The following NRXN3 variants were observed in gnomAD, a reference collection of about 807,000 sequenced individuals.
NRXN3 encodes the protein neurexin III.
In NRXN3, 32 loss-of-function variants were observed where a neutral mutation model predicts 137.6. The ratio of observed to expected loss-of-function variants is 0.23; its 90% CI spans 0.18 to 0.31. The LOEUF is 0.31. NRXN3 is among the 10% of genes least tolerant of loss of function. NRXN3 has a pLI of 1.00. For synonymous variants in NRXN3, 798 were observed against 784.5 expected (o/e 1.02, Z -0.29); for missense variants, 1,574 against 2,062.5 (o/e 0.76, Z 4.59).
Position 79,643,383 on chromosome 14 carries a change from A to C in NRXN3, c.3445-20395A>C, listed in dbSNP as rs750158528. Among the ~76,000 whole-genome samples the C allele has an allele frequency of 3.7e-5, 5 of 134,154 alleles. 1 individual carries two copies. The highest frequency in any genetic ancestry group is 6.9e-5 in the Non-Finnish European group (4 of 57,636). The allele number at this position is 134,154 out of a possible 152,430, so 88.0% of individuals were successfully genotyped here. ...CTCCTGCCCTTTTATCTTTTCTGAG[A>C]TCTCATGCCATCTGTTACCTCATCT... On this transcript the variant is annotated intron_variant, in intron 16 of 20. Transcript: ENST00000335750.
At chr14:79,734,832 T>G (rs561963267) in intron 19 of NRXN3, among the ~76,000 whole-genome samples, 1 of 152,146 alleles carries the variant, frequency 6.6e-6, no homozygotes, top group East Asian at 1.9e-4. Context: ...CAATTATAAG[T>G]ACAAGGCATC....
At chr14:78,593,090 C>G (rs1200510888) in intron 4 of NRXN3, among the ~76,000 whole-genome samples, 2 of 152,234 alleles carry the variant, frequency 1.3e-5, no homozygotes, top group Non-Finnish European at 2.9e-5. Context: ...ACCACACTTT[C>G]CTCCTCGGTG....
intron 4 of NRXN3, among the ~76,000 whole-genome samples, chr14:78,461,835 A>G (rs963865423): frequency 2.0e-5 from 3 of 152,244 alleles, no homozygotes; most frequent in African/African-American, 7.2e-5. Context: ...TTGATTAGCA[A>G]TCAGAATAAT....
chr14:78,253,836 A>G (rs1227452848), intron 2 of NRXN3, among the ~76,000 whole-genome samples: 2 of 119,238 alleles, frequency 1.7e-5, no homozygotes, highest in Non-Finnish European at 3.2e-5. Context: ...GCCATCTGCA[A>G]TAATGGGAGC....
chr14:79,818,240 A>G (rs2099258749), intron 20 of NRXN3, among the ~76,000 whole-genome samples: 1 of 151,872 alleles, frequency 6.6e-6, no homozygotes, highest in Non-Finnish European at 1.5e-5. Context: ...TTTTTAGTAG[A>G]GACGGGGTTT....
intron 16 of NRXN3, among the ~76,000 whole-genome samples, chr14:79,628,141 A>C (rs2098302072): frequency 6.6e-6 from 1 of 152,158 alleles, no homozygotes; most frequent in Non-Finnish European, 1.5e-5. Flanking sequence ...TTTTTTCCTC[A>C]TAAGAGGACA....
chr14:79,519,960 T>C (rs10138831), intron 16 of NRXN3, among the ~76,000 whole-genome samples: 35,552 of 151,868 alleles, frequency 0.23, 4,961 homozygotes, highest in African/African-American at 0.39. Flanking sequence ...GACTACTTCA[T>C]CTATCATTGA....
intron 19 of NRXN3, among the ~76,000 whole-genome samples, chr14:79,748,521 T>A (rs2098986688): frequency 6.6e-6 from 1 of 152,068 alleles, no homozygotes; most frequent in Non-Finnish European, 1.5e-5. Context: ...ATACACAGTA[T>A]ATTTATGATC....
chr14:79,350,264 C>T (rs979539450), intron 15 of NRXN3, among the ~76,000 whole-genome samples: 6 of 152,122 alleles, frequency 3.9e-5, no homozygotes, highest in African/African-American at 1.4e-4. Context: ...AATAAAGGAA[C>T]CCAACTTTCA....
chr14:78,554,916 C>A (rs1361801571), intron 4 of NRXN3, among the ~76,000 whole-genome samples: 1 of 152,090 alleles, frequency 6.6e-6, no homozygotes, highest in Admixed American at 6.5e-5. Flanking sequence ...ACCAAGCCAC[C>A]CATTTGCCCT....
chr14:79,224,417 G>A lies in NRXN3; in HGVS notation c.3262+236276G>A, dbSNP rs1057352698. Among the ~76,000 whole-genome samples the A allele has an allele frequency of 8.6e-5, 13 of 152,024 alleles. No individual in the cohort carries two copies. In the South Asian group the frequency reaches 1.0e-3, roughly 12 times the overall value. On this transcript the variant is annotated intron_variant, in intron 15 of 20. Coordinates refer to ENST00000335750, the MANE Select transcript of NRXN3 (RefSeq NM_001330195.2). ...TTTAAAACTTTAATAATTATAATAC[G>A]ATAATATAGTTGTTGATTTAGTTTA...
At chr14:78,851,579 A>C (rs1276942938) in intron 10 of NRXN3, among the ~76,000 whole-genome samples, 1 of 152,200 alleles carries the variant, frequency 6.6e-6, no homozygotes, top group African/African-American at 2.4e-5. Flanking sequence ...AGCAAAGCAA[A>C]AAGTGTGCTT....
intron 10 of NRXN3, among the ~76,000 whole-genome samples, chr14:78,868,527 A>G (rs940688395): frequency 1.3e-5 from 2 of 152,048 alleles, no homozygotes; most frequent in East Asian, 3.9e-4. Context: ...CAATATTTCT[A>G]CTTGAAACAT....
chr14:79,560,395 A>G (rs1017587553), intron 16 of NRXN3, among the ~76,000 whole-genome samples: 1 of 151,244 alleles, frequency 6.6e-6, no homozygotes, highest in African/African-American at 2.4e-5. Flanking sequence ...GGGTGACCAG[A>G]GAGGACCCCT....
At chr14:78,857,550 G>A (rs72685460) in intron 10 of NRXN3, among the ~76,000 whole-genome samples, 3,348 of 152,254 alleles carry the variant, frequency 0.022, 55 homozygotes, top group Non-Finnish European at 0.035. Context: ...GTTTGTGTGT[G>A]CGTGTAATTT....
At chr14:79,361,690 C>T in intron 15 of NRXN3, among the ~76,000 whole-genome samples, 1 of 152,144 alleles carries the variant, frequency 6.6e-6, no homozygotes, top group Non-Finnish European at 1.5e-5. Flanking sequence ...GCACTCCAGT[C>T]TGGGTGACGG....
Position 79,558,206 on chromosome 14 carries a change from A to C in NRXN3, c.3444+90804A>C, listed in dbSNP as rs112976511. ...AACTCATCCGTGAGGGTTGGAATCAACTTTTTTCAAAGTCTTAGTAATGTT... is the reference window on the plus strand; with the variant it reads ...AACTCATCCGTGAGGGTTGGAATCACCTTTTTTCAAAGTCTTAGTAATGTT... On this transcript the variant is annotated intron_variant, in intron 16 of 20. Transcript: ENST00000335750. Among the ~76,000 whole-genome samples, 137 of 152,204 alleles carry C rather than the reference A, an allele frequency of 9.0e-4. 4 individuals are homozygous for C. The Middle Eastern group carries it at 0.017, about 19-fold the overall frequency.
intron 4 of NRXN3, among the ~76,000 whole-genome samples, chr14:78,478,947 G>T (rs2095425607): frequency 6.6e-6 from 1 of 152,138 alleles, no homozygotes; most frequent in African/African-American, 2.4e-5. Context: ...GCTCTATGCA[G>T]AGATGTGTTA....
At chr14:78,313,931 G>A (rs1306454607) in intron 4 of NRXN3, among the ~76,000 whole-genome samples, 1 of 152,124 alleles carries the variant, frequency 6.6e-6, no homozygotes, top group African/African-American at 2.4e-5. Flanking sequence ...TAACAATAAA[G>A]TGTAATTGAA....
Sources: gnomAD v4.1 joint callset for allele counts (sites outside exome capture counted in the v4.1 genomes callset) on GRCh38, gnomAD v4.1.1 for gene constraint, MANE v1.5 for transcripts, NCBI Gene and HGNC (gene_info 2026-07-23, HGNC 2026-07-21) for gene names.